The following SASS6 variants were observed in gnomAD, a reference collection of about 807,000 sequenced individuals.
The protein encoded by SASS6 is spindle assembly abnormal protein 6 homolog.
In SASS6, 59 loss-of-function variants were observed where a neutral mutation model predicts 94.9. That is an observed-to-expected ratio of 0.62 (90% CI 0.50 to 0.77). The LOEUF is 0.77. Among genes scored for constraint, SASS6 ranks in the 30% least tolerant of loss-of-function variants. The probability of loss-of-function intolerance (pLI) is 0.00; values close to 1 mark genes in which losing one functional copy is unlikely to be tolerated. For synonymous variants in SASS6, 264 were observed against 270.0 expected (o/e 0.98, Z 0.22); for missense variants, 698 against 734.1 (o/e 0.95, Z 0.57).
rs959589562 is a variant in SASS6 at position 100,121,683 on chromosome 1, T to A, written c.312-134A>T. ...GGACTCCCAATGGTAAAAGATAAAT[T>A]GGGCAAAAAAAAGAAAAGATTGACT... On this transcript the variant is annotated intron_variant, in intron 4 of 16. Coordinates refer to ENST00000287482, the MANE Select transcript of SASS6 (RefSeq NM_194292.3). 3 of 561,420 alleles carry A rather than the reference T, an allele frequency of 5.3e-6. No homozygotes were observed. In the African/African-American group the frequency reaches 6.0e-5, roughly 11 times the overall value. 34.8% of individuals were successfully genotyped at this position (561,420 alleles called of 1,614,324 possible).
intron 1 of SASS6, among the ~76,000 whole-genome samples, chr1:100,131,222 G>A (rs759841231): frequency 1.3e-4 from 19 of 147,872 alleles, no homozygotes; most frequent in African/African-American, 3.5e-4. Context: ...ACAGGATCTC[G>A]CTCTATCACC....
intron 14 of SASS6, among the ~76,000 whole-genome samples, chr1:100,090,373 T>A (rs1651585274): frequency 6.6e-6 from 1 of 152,122 alleles, no homozygotes; most frequent in Non-Finnish European, 1.5e-5. Context: ...ATACTAGGCA[T>A]AAGAGAGCCA....
rs765459209 is a variant in SASS6, at chr1:100,106,991, T to C, written c.1329A>G (p.Val443=). Residue 443 remains valine (V), a splice_region_variant and synonymous_variant, in exon 12 of 17, where the codon GTA becomes GTG. Transcript: ENST00000287482. ...CTTCTAATTGTTCTTGTAATTTGCA[T>C]ACCTGAAATATATCAATCATCACAA... is the stretch of plus-strand genomic sequence containing the variant. The part of the protein sequence containing the change: ...GQSLRIKEQE[V]CKLQEQLEAT... 8 of 1,292,904 alleles carry C rather than the reference T, an allele frequency of 6.2e-6. No individual in the cohort carries two copies. Among genetic ancestry groups the C allele is most frequent in the Non-Finnish European group, 8.9e-6 (8 of 894,120 alleles). The allele number at this position is 1,292,904 out of a possible 1,614,324, so 80.1% of individuals were successfully genotyped here.
At chr1:100,115,413 GT>G (rs35080596) in intron 7 of SASS6, among the ~76,000 whole-genome samples, 118,713 of 152,062 alleles carry the variant, frequency 0.78, 47,805 homozygotes, top group East Asian at 0.94. Flanking sequence ...AAATAAGTCT[GT>G]TTTCAACAAA....
Position 100,120,502 on chromosome 1 carries a change from C to A in SASS6, c.484-43G>T, listed in dbSNP as rs371426396. The A allele has an allele frequency of 8.2e-6, 7 of 855,702 alleles. No homozygotes were observed. In the Admixed American group the frequency reaches 9.0e-5, roughly 11 times the overall value. The allele number at this position is 855,702 out of a possible 1,614,324, so 53.0% of individuals were successfully genotyped here. On this transcript the variant is annotated intron_variant, in intron 5 of 16. Transcript: ENST00000287482. ...AAAATTACACAGTTTACAATGTAAT[C>A]ATCTATAGCCATGCTACTCAAAGTA...
At chr1:100,103,572 GTTTATT>G (rs1328339619) in intron 13 of SASS6, among the ~76,000 whole-genome samples, 1 of 152,156 alleles carries the variant, frequency 6.6e-6, no homozygotes, top group African/African-American at 2.4e-5. Context: ...TTATGAAAAA[GTTTATT>G]TTTATACTGA....
chr1:100,085,172 T>TAGGGA lies in SASS6; in HGVS notation c.*155_*156insTCCCT. ...CCCAAGTACAAATTTGTTCCTATAT[T>TAGGGA]ATAAACTGCCATAAAAGCAGTACTT... On this transcript the variant is annotated 3_prime_UTR_variant, in exon 17 of 17. Coordinates refer to ENST00000287482, the MANE Select transcript of SASS6 (RefSeq NM_194292.3). 1 of 594,338 alleles carries TAGGGA rather than the reference T, an allele frequency of 1.7e-6. No homozygotes were observed. 36.8% of individuals were successfully genotyped at this position (594,338 alleles called of 1,614,324 possible).
chr1:100,117,278 C>T (rs1378490759), intron 7 of SASS6, among the ~76,000 whole-genome samples: 3 of 142,640 alleles, frequency 2.1e-5, no homozygotes. Context: ...GCAACAAGAG[C>T]GAAATTCTGT....
intron 7 of SASS6, among the ~76,000 whole-genome samples, chr1:100,115,290 G>A (rs1266969789): frequency 6.6e-6 from 1 of 152,208 alleles, no homozygotes; most frequent in East Asian, 1.9e-4. Context: ...CTGGTAGGGA[G>A]TGGATGGTCT....
intron 14 of SASS6, among the ~76,000 whole-genome samples, chr1:100,102,648 A>C (rs1274113856): frequency 6.7e-6 from 1 of 148,184 alleles, no homozygotes; most frequent in Non-Finnish European, 1.5e-5. Context: ...ACTGCACTCC[A>C]GCCTGGACAA....
chr1:100,097,101 C>G (rs2101649058), intron 14 of SASS6, among the ~76,000 whole-genome samples: 1 of 152,130 alleles, frequency 6.6e-6, no homozygotes, highest in South Asian at 2.1e-4. Context: ...GGCAACAGAG[C>G]AAGACACTGT....
intron 11 of SASS6, 44 bp from the exon 12 acceptor site, chr1:100,107,037 T>C (rs1557886234): frequency 1.2e-6 from 1 of 830,530 alleles, no homozygotes; most frequent in Non-Finnish European, 2.0e-6. Context: ...AAAATAAAGG[T>C]TAAATAAAAA....
intron 2 of SASS6, among the ~76,000 whole-genome samples, chr1:100,124,989 GCTC>G (rs1654493363): frequency 6.6e-6 from 1 of 152,086 alleles, no homozygotes; most frequent in Admixed American, 6.5e-5. Context: ...GTGCAGCCTG[GCTC>G]CTAACAGGCC....
chr1:100,085,287 G>T lies in SASS6; in HGVS notation c.*41C>A. ...GTTGACATATTTTTTAAGCACCTGA[G>T]TTTCTAAAATACCAATAAAAAGTAA... On this transcript the variant is annotated 3_prime_UTR_variant, in exon 17 of 17. Coordinates refer to ENST00000287482, the MANE Select transcript of SASS6 (RefSeq NM_194292.3). 7.9e-7 allele frequency: 1 copy of T among 1,265,382 alleles called. No individual in the cohort carries two copies. Among genetic ancestry groups the T allele is most frequent in the Non-Finnish European group, 1.2e-6 (1 of 863,776 alleles). The allele number at this position is 1,265,382 out of a possible 1,614,324, so 78.4% of individuals were successfully genotyped here.
At position 100,105,560 on chromosome 1, in the gene SASS6, T is replaced by C. The variant is rs531331883; in HGVS notation, c.1545+207A>G. Among the ~76,000 whole-genome samples the C allele has an allele frequency of 1.9e-3, 283 of 151,782 alleles. 2 individuals carry two copies. The highest frequency in any genetic ancestry group is 6.8e-3 in the Middle Eastern group (2 of 294). ...AACAAAACAAAACAAAAAAAAGAAA[T>C]GTGCTCTTGAAACTCAGCCTCTGTT... On this transcript the variant is annotated intron_variant, in intron 13 of 16. Transcript: ENST00000287482.
chr1:100,121,060 A>AG (rs1420590688), intron 5 of SASS6, among the ~76,000 whole-genome samples: 1 of 151,596 alleles, frequency 6.6e-6, no homozygotes, highest in East Asian at 1.9e-4. Context: ...AAAAAAAAAA[A>AG]AAAAAAAAAA....
At chr1:100,093,922 T>C (rs1651936330) in intron 14 of SASS6, among the ~76,000 whole-genome samples, 1 of 152,202 alleles carries the variant, frequency 6.6e-6, no homozygotes, top group Admixed American at 6.5e-5. Flanking sequence ...CATAATCTTC[T>C]ACCTTAAGAA....
Position 100,085,297 on chromosome 1 carries a change from T to C in SASS6, c.*31A>G. ...TTTTTAAGCACCTGAGTTTCTAAAATACCAATAAAAAGTAAAACATGACAC... is the reference window on the plus strand; with the variant it reads ...TTTTTAAGCACCTGAGTTTCTAAAACACCAATAAAAAGTAAAACATGACAC... On this transcript the variant is annotated 3_prime_UTR_variant, in exon 17 of 17. Transcript: ENST00000287482. 1 of 1,359,682 alleles carries C rather than the reference T, an allele frequency of 7.4e-7. No individual in the cohort carries two copies. The highest frequency in any genetic ancestry group is 1.1e-6 in the Non-Finnish European group (1 of 949,280). 84.2% of individuals were successfully genotyped at this position (1,359,682 alleles called of 1,614,324 possible). A position where few individuals can be genotyped will look rare whatever the true frequency, so the allele number is the denominator to read the frequency against.
At chr1:100,128,446 C>G (rs1286693116) in intron 1 of SASS6, among the ~76,000 whole-genome samples, 1 of 152,158 alleles carries the variant, frequency 6.6e-6, no homozygotes, top group Non-Finnish European at 1.5e-5. Flanking sequence ...AGTTATATTA[C>G]TATGACAATT....
Sources: gnomAD v4.1 joint callset for allele counts (sites outside exome capture counted in the v4.1 genomes callset) on GRCh38, gnomAD v4.1.1 for gene constraint, MANE v1.5 for transcripts, NCBI Gene and HGNC (gene_info 2026-07-23, HGNC 2026-07-21) for gene names.